TBL1XR1: variants seen among roughly 807,000 people sequenced by gnomAD.
TBL1XR1 encodes the protein TBL1X/Y related 1.
A neutral mutation model predicts 66.9 loss-of-function variants in TBL1XR1; 5 were observed. The observed-to-expected ratio is 0.07, with a 90% CI of 0.04 to 0.16. The LOEUF (loss-of-function observed/expected upper bound fraction) is 0.16. Among genes scored for constraint, TBL1XR1 ranks in the 10% least tolerant of loss-of-function variants. The pLI is 1.00. For missense variants in TBL1XR1, 238 were observed against 623.2 expected, an observed-to-expected ratio of 0.38 and a Z score of 6.58; for synonymous variants, 210 against 206.0, an observed-to-expected ratio of 1.02 and a Z score of -0.17.
At chr3:177,031,510 T>C (rs1033447333) in intron 14 of TBL1XR1, among the ~76,000 whole-genome samples, 1 of 151,486 alleles carries the variant, frequency 6.6e-6, no homozygotes, top group Admixed American at 6.6e-5. Flanking sequence ...TTTTGTATTT[T>C]TAGGAGAGAT....
intron 2 of TBL1XR1, among the ~76,000 whole-genome samples, chr3:177,078,030 T>C (rs527249073): frequency 1.3e-5 from 2 of 152,232 alleles, no homozygotes; most frequent in African/African-American, 4.8e-5. Context: ...CAGGTGGGAA[T>C]GCATGGAAAA....
At chr3:177,058,703 C>G (rs1343719928) in intron 3 of TBL1XR1, among the ~76,000 whole-genome samples, 2 of 152,100 alleles carry the variant, frequency 1.3e-5, no homozygotes, top group Non-Finnish European at 2.9e-5. Context: ...AAATTGCTTT[C>G]CAAAAAGATT....
chr3:177,158,669 A>C (rs1479391233), intron 1 of TBL1XR1, among the ~76,000 whole-genome samples: 1 of 152,158 alleles, frequency 6.6e-6, no homozygotes, highest in Non-Finnish European at 1.5e-5. Flanking sequence ...AGCAGCAGTA[A>C]CCAGGAAGAG....
At chr3:177,084,265 C>T (rs1721852244) in intron 2 of TBL1XR1, among the ~76,000 whole-genome samples, 1 of 152,150 alleles carries the variant, frequency 6.6e-6, no homozygotes, top group Non-Finnish European at 1.5e-5. Context: ...TGCACTTCCC[C>T]ACTTAATCCC....
chr3:177,130,476 TACA>T (rs1295269639), intron 1 of TBL1XR1, among the ~76,000 whole-genome samples: 1 of 152,166 alleles, frequency 6.6e-6, no homozygotes, highest in African/African-American at 2.4e-5. Context: ...TATAATATTC[TACA>T]ACGTTTTTGG....
At chr3:177,032,575 GTTTC>G (rs1714161310) in intron 14 of TBL1XR1, 1 of 154,522 alleles carries the variant, frequency 6.5e-6, no homozygotes, top group East Asian at 1.9e-4. Context: ...GTAGTTGTAA[GTTTC>G]TTTCTCATAA....
chr3:177,088,871 T>C (rs2108635212), intron 2 of TBL1XR1, among the ~76,000 whole-genome samples: 1 of 152,330 alleles, frequency 6.6e-6, no homozygotes, highest in Middle Eastern at 3.4e-3. Flanking sequence ...TCTTCACATT[T>C]AATAATACCA....
intron 2 of TBL1XR1, among the ~76,000 whole-genome samples, chr3:177,081,206 G>C (rs1721348356): frequency 6.6e-6 from 1 of 152,076 alleles, no homozygotes; most frequent in Admixed American, 6.5e-5. Flanking sequence ...TTTCTCTCTT[G>C]TTCTTGGCCA....
In TBL1XR1 at chr3:177,182,258, G is replaced by GT. The variant is rs566925303; in HGVS notation, c.-122+14862dup. 2.7e-3 allele frequency among the ~76,000 whole-genome samples: 412 copies of GT among 152,198 alleles called. 5 individuals are homozygous for GT. Among genetic ancestry groups the GT allele is most frequent in the African/African-American group, 9.1e-3 (379 of 41,532 alleles). ...ACAAAAATTAGCCGGGAATGGTGGC[G>GT]TAGTAGTCCCAGATACTCAAGAGGC... On this transcript the variant is annotated intron_variant, in intron 1 of 15. Transcript: ENST00000457928.
At chr3:177,025,664 A>G (rs1476104300) in intron 15 of TBL1XR1, 140 bp from the exon 16 acceptor site, 27 of 779,034 alleles carry the variant, frequency 3.5e-5, no homozygotes, top group Non-Finnish European at 5.4e-5. Context: ...CATGGAAATG[A>G]GCACTTAACT....
chr3:177,163,732 TG>T (rs1332820658), intron 1 of TBL1XR1, among the ~76,000 whole-genome samples: 1 of 151,998 alleles, frequency 6.6e-6, no homozygotes, highest in Non-Finnish European at 1.5e-5. Context: ...GAAAGTAACT[TG>T]GTAGGGGTAG....
At chr3:177,197,899 C>T (rs1374046092), upstream of TBL1XR1, among the ~76,000 whole-genome samples, 1 of 148,570 alleles carries the variant, frequency 6.7e-6, no homozygotes, top group Non-Finnish European at 1.5e-5. Flanking sequence ...GGGTGTGGGC[C>T]GCTGGGCCCG....
At chr3:177,134,435 C>A (rs1577267221) in intron 1 of TBL1XR1, among the ~76,000 whole-genome samples, 1 of 152,128 alleles carries the variant, frequency 6.6e-6, no homozygotes, top group Non-Finnish European at 1.5e-5. Context: ...AGTACTGTTG[C>A]TACTAAGGGG....
chr3:177,033,319 T>C (rs1333983667), intron 13 of TBL1XR1, among the ~76,000 whole-genome samples, 183 bp from the exon 14 acceptor site: 1 of 151,914 alleles, frequency 6.6e-6, no homozygotes, highest in East Asian at 1.9e-4. Context: ...AAATAATAAA[T>C]AAATGAAATT....
rs1319487476 is a variant in TBL1XR1, at chr3:177,104,128, A to AG, written c.-121-5588_-121-5587insC. On this transcript the variant is annotated intron_variant, in intron 1 of 15. Coordinates refer to ENST00000457928, the MANE Select transcript of TBL1XR1 (RefSeq NM_024665.7). Reference sequence around the variant, plus strand: ...GAGACTCGGTCTCCAAAAAAAAAAAAAAGAGAGAGAGAGAAATATATAAGA... The same window carrying AG: ...GAGACTCGGTCTCCAAAAAAAAAAAAGAAGAGAGAGAGAGAAATATATAAGA... Among the ~76,000 whole-genome samples the AG allele has an allele frequency of 3.6e-4, 38 of 106,962 alleles. No individual in the cohort carries two copies. In the South Asian group the frequency reaches 4.2e-3, roughly 12 times the overall value. 70.2% of individuals were successfully genotyped at this position (106,962 alleles called of 152,430 possible).
intron 1 of TBL1XR1, among the ~76,000 whole-genome samples, chr3:177,120,538 AG>A (rs1373182409): frequency 6.6e-6 from 1 of 152,184 alleles, no homozygotes; most frequent in Admixed American, 6.5e-5. Flanking sequence ...CTTACACTTA[AG>A]ATTTTCCAGT....
intron 10 of TBL1XR1, 21 bp downstream of exon 10, chr3:177,046,108 C>A: frequency 1.3e-6 from 2 of 1,516,042 alleles, no homozygotes; most frequent in Non-Finnish European, 8.8e-7. Flanking sequence ...CCAGCTTTCA[C>A]GTAAATTATA....
chr3:177,044,802 AAG>A (rs1221325922), intron 10 of TBL1XR1: 1 of 152,182 alleles, frequency 6.6e-6, no homozygotes, highest in African/African-American at 2.4e-5. Flanking sequence ...AGGGGACAGA[AAG>A]AGCACCATCT....
intron 1 of TBL1XR1, among the ~76,000 whole-genome samples, chr3:177,144,897 T>C (rs1193524835): frequency 6.6e-6 from 1 of 152,274 alleles, no homozygotes; most frequent in Non-Finnish European, 1.5e-5. Flanking sequence ...CATTCTTTTT[T>C]GATCTTCTTT....
Sources: gnomAD v4.1 joint callset for allele counts (sites outside exome capture counted in the v4.1 genomes callset) on GRCh38, gnomAD v4.1.1 for gene constraint, MANE v1.5 for transcripts, NCBI Gene and HGNC (gene_info 2026-07-23, HGNC 2026-07-21) for gene names.